Variants in RALGAPA2 observed in about 807,000 individuals in gnomAD.
The protein encoded by RALGAPA2 is Ral GTPase activating protein catalytic subunit alpha 2, also known as ral GTPase-activating protein subunit alpha-2.
RALGAPA2 carries 139 observed loss-of-function variants against 230.4 expected under a neutral mutation model. The ratio of observed to expected loss-of-function variants is 0.60; its 90% CI spans 0.53 to 0.69. The LOEUF (loss-of-function observed/expected upper bound fraction) is 0.69. RALGAPA2 is among the 30% of genes least tolerant of loss of function. The pLI, the probability that RALGAPA2 is intolerant of heterozygous loss-of-function variation, is 0.00. For synonymous variants in RALGAPA2, 847 were observed against 837.8 expected (o/e 1.01, Z -0.19); for missense variants, 2,163 against 2,276.0 (o/e 0.95, Z 1.01).
intron 23 of RALGAPA2, among the ~76,000 whole-genome samples, chr20:20,571,026 C>T (rs553136693): frequency 6.6e-6 from 1 of 152,228 alleles, no homozygotes; most frequent in Non-Finnish European, 1.5e-5. Flanking sequence ...AATGTCTGGA[C>T]TCATCTTCTA....
chr20:20,675,653 C>A (rs1456650310), intron 3 of RALGAPA2, among the ~76,000 whole-genome samples: 1 of 152,076 alleles, frequency 6.6e-6, no homozygotes, highest in African/African-American at 2.4e-5. Context: ...AAGTCAAAAA[C>A]CACACCCAAA....
At chr20:20,634,278 G>A (rs550208746) in intron 9 of RALGAPA2, among the ~76,000 whole-genome samples, 2 of 151,604 alleles carry the variant, frequency 1.3e-5, no homozygotes, top group Middle Eastern at 6.8e-3. Flanking sequence ...TTCTGATTTC[G>A]AACTCTAAGT....
In RALGAPA2 at chr20:20,512,951, T is replaced by C. The variant is rs756085951; in HGVS notation, c.4418A>G (p.Asp1473Gly). 3 of 1,613,560 alleles carry C rather than the reference T, an allele frequency of 1.9e-6. No homozygotes were observed. Among genetic ancestry groups the C allele is most frequent in the Non-Finnish European group, 2.5e-6 (3 of 1,179,650 alleles). Residue 1473 changes from aspartate to glycine, a missense_variant, in exon 32 of 40, where the codon GAT (aspartate) becomes GGT (glycine). By Grantham distance (94) the Asp-to-Gly change is moderately conservative. Transcript: ENST00000202677. ...CAAAGGTCCATATAAAACCTTACCATCCCAAGAGTACTTCCCTGAGATATC... is the reference window on the plus strand; with the variant it reads ...CAAAGGTCCATATAAAACCTTACCACCCCAAGAGTACTTCCCTGAGATATC... ...VRDISGKYSW[D>G]GKVLYGPLEG...
chr20:20,659,768 A>G (rs1363252141), intron 3 of RALGAPA2: 2 of 909,112 alleles, frequency 2.2e-6, no homozygotes, highest in Admixed American at 1.9e-5. Context: ...CAGAATGAAG[A>G]AAACAGCACA....
rs2066896277 is a variant in RALGAPA2 at position 20,637,517 on chromosome 20, G to A, written c.667-16C>T. 3 of 1,537,376 alleles carry A rather than the reference G, an allele frequency of 2.0e-6. No individual in the cohort carries two copies. Among genetic ancestry groups the A allele is most frequent in the East Asian group, 2.4e-5 (1 of 41,134 alleles). The stretch of plus-strand genomic sequence containing the variant: ...AGCTCGCAGCCTTTGGATAATATGT[G>A]GAAAAGAACATATGTATATTTATAT... On this transcript the variant is annotated splice_polypyrimidine_tract_variant and intron_variant, in intron 7 of 39. Coordinates refer to ENST00000202677, the MANE Select transcript of RALGAPA2 (RefSeq NM_020343.4).
At position 20,712,600 on chromosome 20, in the gene RALGAPA2, T is replaced by G. The variant is rs1232750542; in HGVS notation, c.-120A>C. On this transcript the variant is annotated 5_prime_UTR_variant, in exon 1 of 40. Coordinates refer to ENST00000202677, the MANE Select transcript of RALGAPA2 (RefSeq NM_020343.4). The surrounding 1 kb of genome is among the most constrained non-coding windows in gnomAD (Gnocchi z 5.5). ...GGCCACTCGCCGCCCCCAGCCCCGC[T>G]GCTGCCGCCGCCGCCGCCGCCGCCG... is the stretch of plus-strand genomic sequence containing the variant. 8.6e-7 allele frequency: 1 copy of G among 1,161,766 alleles called. No individual in the cohort carries two copies. Among genetic ancestry groups the G allele is most frequent in the Non-Finnish European group, 1.1e-6 (1 of 925,776 alleles). The allele number at this position is 1,161,766 out of a possible 1,614,324, so 72.0% of individuals were successfully genotyped here.
chr20:20,402,218 T>C (rs775370661), intron 38 of RALGAPA2, among the ~76,000 whole-genome samples: 1 of 152,156 alleles, frequency 6.6e-6, no homozygotes, highest in East Asian at 1.9e-4. Flanking sequence ...TCTTGCCCCA[T>C]GGGAGGGGGG....
chr20:20,694,995 C>T (rs902674461), intron 1 of RALGAPA2, among the ~76,000 whole-genome samples: 2 of 152,124 alleles, frequency 1.3e-5, no homozygotes, highest in Non-Finnish European at 2.9e-5. Flanking sequence ...TTGGGGGGTA[C>T]TTCCAGGGCG....
intron 38 of RALGAPA2, among the ~76,000 whole-genome samples, chr20:20,409,977 A>G (rs929426064): frequency 1.3e-5 from 2 of 152,250 alleles, no homozygotes; most frequent in African/African-American, 4.8e-5. Context: ...TTAAACCATG[A>G]ACACTATGAA....
intron 16 of RALGAPA2, among the ~76,000 whole-genome samples, chr20:20,597,076 T>C (rs1444756799): frequency 6.6e-6 from 1 of 152,162 alleles, no homozygotes; most frequent in Admixed American, 6.5e-5. Flanking sequence ...GCTTCCAAAA[T>C]TAAATTACTA....
chr20:20,643,125 C>T (rs576329066), intron 5 of RALGAPA2, among the ~76,000 whole-genome samples: 2 of 152,216 alleles, frequency 1.3e-5, no homozygotes, highest in South Asian at 4.2e-4. Flanking sequence ...TTTTAACAAC[C>T]AGGTTACCAA....
At chr20:20,524,692 C>G in intron 29 of RALGAPA2, 138 bp downstream of exon 29, 3 of 1,292,058 alleles carry the variant, frequency 2.3e-6, no homozygotes, top group Non-Finnish European at 3.2e-6. Flanking sequence ...AAATAAGTAG[C>G]ATTTTCACAA....
chr20:20,401,738 T>C lies in RALGAPA2; in HGVS notation c.5618-5004A>G, dbSNP rs551679500. ...GTCTGAGGAAACATTGCAGAAGCAA[T>C]GGAAATGTCTGGTAGTTTTACCGAT... On this transcript the variant is annotated intron_variant, in intron 38 of 39. Coordinates refer to ENST00000202677, the MANE Select transcript of RALGAPA2 (RefSeq NM_020343.4). 7.2e-5 allele frequency among the ~76,000 whole-genome samples: 11 copies of C among 152,316 alleles called. No homozygotes were observed. In the East Asian group the frequency reaches 1.7e-3, roughly 24 times the overall value.
intron 1 of RALGAPA2, among the ~76,000 whole-genome samples, chr20:20,709,079 G>A (rs1254661635): frequency 6.6e-6 from 1 of 152,086 alleles, no homozygotes; most frequent in Non-Finnish European, 1.5e-5. Context: ...AGCTCTTTGG[G>A]AGGCCGAGTC....
intron 26 of RALGAPA2, among the ~76,000 whole-genome samples, chr20:20,534,403 C>T (rs916189822): frequency 2.0e-5 from 3 of 151,750 alleles, no homozygotes; most frequent in African/African-American, 4.8e-5. Flanking sequence ...CGAGATTGTG[C>T]CACTGCACTC....
chr20:20,611,485 T>C, intron 13 of RALGAPA2, 59 bp from the exon 14 acceptor site: 1 of 1,547,938 alleles, frequency 6.5e-7, no homozygotes, highest in Non-Finnish European at 8.7e-7. Flanking sequence ...CACTTTAATT[T>C]ATAGGTACCA....
intron 31 of RALGAPA2, among the ~76,000 whole-genome samples, chr20:20,513,535 C>G (rs945248082): frequency 6.6e-6 from 1 of 152,122 alleles, no homozygotes; most frequent in African/African-American, 2.4e-5. Flanking sequence ...ACAATGCAGG[C>G]AAACAGCCCT....
chr20:20,491,709 CA>C (rs2123567625), intron 36 of RALGAPA2, among the ~76,000 whole-genome samples: 1 of 152,208 alleles, frequency 6.6e-6, no homozygotes, highest in South Asian at 2.1e-4. Flanking sequence ...CTGGAAAAAA[CA>C]TAAGTCTAAC....
intron 33 of RALGAPA2, among the ~76,000 whole-genome samples, chr20:20,509,674 G>A (rs1334136424): frequency 6.6e-6 from 1 of 152,042 alleles, no homozygotes; most frequent in African/African-American, 2.4e-5. Context: ...GGAGACAGGT[G>A]GGAAAGTAGA....
Sources: gnomAD v4.1 joint callset for allele counts (sites outside exome capture counted in the v4.1 genomes callset) on GRCh38, gnomAD v4.1.1 for gene constraint, Gnocchi (gnomAD v3.1) non-coding constraint, MANE v1.5 for transcripts, NCBI Gene and HGNC (gene_info 2026-07-23, HGNC 2026-07-21) for gene names.